MLIP: variants seen among roughly 807,000 people sequenced by gnomAD.
The protein encoded by MLIP is muscular LMNA interacting protein.
Under a neutral mutation model 84.8 loss-of-function variants are expected in MLIP, and 79 were observed. That is an observed-to-expected ratio of 0.93 (90% CI 0.78 to 1.12). MLIP has a LOEUF of 1.12. MLIP is among the 50% of genes most tolerant of loss of function. The probability of loss-of-function intolerance (pLI) is 0.00; values close to 1 mark genes in which losing one functional copy is unlikely to be tolerated. For synonymous variants in MLIP, 504 were observed against 463.0 expected, an observed-to-expected ratio of 1.09 and a Z score of -1.14; for missense variants, 1,257 against 1,160.6, an observed-to-expected ratio of 1.08 and a Z score of -1.21.
chr6:54,203,122 T>C (rs917690143), intron 11 of MLIP, among the ~76,000 whole-genome samples: 1 of 152,200 alleles, frequency 6.6e-6, no homozygotes, highest in Non-Finnish European at 1.5e-5. Flanking sequence ...CTTATATATG[T>C]TGAAGGAGGT....
chr6:54,202,481 C>G (rs952777730), intron 11 of MLIP, among the ~76,000 whole-genome samples: 1 of 130,650 alleles, frequency 7.7e-6, no homozygotes, highest in East Asian at 2.3e-4. Context: ...TTTTTTTTTT[C>G]TAAAACTTGT....
upstream of MLIP, among the ~76,000 whole-genome samples, chr6:54,108,541 A>G (rs1010767083): frequency 1.3e-5 from 2 of 152,236 alleles, no homozygotes; most frequent in South Asian, 2.1e-4. Flanking sequence ...GTTATAATGC[A>G]TGACCATTTA....
At chr6:54,257,218 G>GTT in intron 12 of MLIP, 90 bp from the exon 13 acceptor site, 2 of 870,460 alleles carry the variant, frequency 2.3e-6, no homozygotes, top group South Asian at 3.0e-5. Context: ...AAATATTTAT[G>GTT]TCATTGTCAA....
intron 2 of MLIP, among the ~76,000 whole-genome samples, chr6:54,123,290 G>A (rs148878850): frequency 6.6e-6 from 1 of 152,064 alleles, no homozygotes; most frequent in Non-Finnish European, 1.5e-5. Flanking sequence ...TTGATGATTG[G>A]ATTCCAACTG....
At chr6:54,209,113 G>A (rs1336751637) in intron 11 of MLIP, among the ~76,000 whole-genome samples, 7 of 152,166 alleles carry the variant, frequency 4.6e-5, no homozygotes, top group Non-Finnish European at 8.8e-5. Flanking sequence ...CAACCTTGGC[G>A]ATATTGGCAT....
intron 5 of MLIP, among the ~76,000 whole-genome samples, chr6:54,150,927 A>T (rs1285711340): frequency 6.6e-6 from 1 of 152,228 alleles, no homozygotes; most frequent in Non-Finnish European, 1.5e-5. Flanking sequence ...CTATTATACA[A>T]GTTCATGTGC....
chr6:54,089,828 A>G (rs1376497624), intron 1 of MLIP, among the ~76,000 whole-genome samples: 1 of 152,150 alleles, frequency 6.6e-6, no homozygotes, highest in East Asian at 1.9e-4. Context: ...CTATGGTACT[A>G]TAACAAAATT....
intron 13 of MLIP, among the ~76,000 whole-genome samples, chr6:54,263,339 G>T (rs1175634702): frequency 1.3e-5 from 2 of 151,842 alleles, no homozygotes; most frequent in East Asian, 3.9e-4. Flanking sequence ...ACGTTTTATA[G>T]CTTCTGGCTT....
In MLIP at chr6:54,117,806, C is replaced by T. The variant is rs577488150; in HGVS notation, c.97-3641C>T. ...CTAAAAATACAAAAAGTTAGCTGGG[C>T]GTGTTGGCGGGCGCCTGTAGTCCCA... On this transcript the variant is annotated intron_variant, in intron 1 of 13. Transcript: ENST00000502396. 3.3e-5 allele frequency among the ~76,000 whole-genome samples: 5 copies of T among 151,724 alleles called. No homozygotes were observed. The South Asian group carries it at 6.3e-4, about 19-fold the overall frequency.
intron 1 of MLIP, among the ~76,000 whole-genome samples, chr6:54,084,332 A>G (rs1033303076): frequency 6.6e-6 from 1 of 152,140 alleles, no homozygotes; most frequent in African/African-American, 2.4e-5. Context: ...GAAGATAACA[A>G]TTTTGTTTAT....
At chr6:54,147,066 C>T (rs1772920874) in intron 4 of MLIP, among the ~76,000 whole-genome samples, 2 of 152,102 alleles carry the variant, frequency 1.3e-5, no homozygotes, top group African/African-American at 2.4e-5. Context: ...GTACCTGGCT[C>T]ATAGTGATTG....
intron 12 of MLIP, among the ~76,000 whole-genome samples, chr6:54,256,013 A>G (rs1379003924): frequency 2.6e-5 from 4 of 152,084 alleles, no homozygotes; most frequent in Non-Finnish European, 5.9e-5. Context: ...GATGAACAGG[A>G]GAAAGTAGGT....
chr6:54,223,909 G>A (rs1780394348), intron 11 of MLIP, among the ~76,000 whole-genome samples: 1 of 151,904 alleles, frequency 6.6e-6, no homozygotes, highest in African/African-American at 2.4e-5. Flanking sequence ...GAACTGATAA[G>A]ATATAGTTAA....
intron 1 of MLIP, among the ~76,000 whole-genome samples, chr6:54,053,863 A>C (rs962969234): frequency 2.6e-5 from 4 of 152,224 alleles, no homozygotes; most frequent in Admixed American, 1.3e-4. Flanking sequence ...ACTAGTGGCT[A>C]ATATAATAAA....
chr6:54,022,061 T>A (rs1763526611), intron 1 of MLIP, among the ~76,000 whole-genome samples: 1 of 152,230 alleles, frequency 6.6e-6, no homozygotes, highest in Non-Finnish European at 1.5e-5. Flanking sequence ...CCACCATAAT[T>A]GCTGTTGAGG....
At chr6:54,218,528 A>G (rs1472641551) in intron 11 of MLIP, among the ~76,000 whole-genome samples, 1 of 151,972 alleles carries the variant, frequency 6.6e-6, no homozygotes, top group Non-Finnish European at 1.5e-5. Flanking sequence ...AAATTTATTA[A>G]TATTTTTTTG....
chr6:54,103,940 G>A (rs890209827), intron 1 of MLIP, among the ~76,000 whole-genome samples: 1 of 152,076 alleles, frequency 6.6e-6, no homozygotes. Context: ...ATACCTTGTG[G>A]GCTAGGGAGG....
intron 8 of MLIP, among the ~76,000 whole-genome samples, chr6:54,167,888 G>A (rs1232222865): frequency 1.3e-5 from 2 of 151,674 alleles, no homozygotes; most frequent in East Asian, 3.9e-4. Flanking sequence ...GCAAGTCCTG[G>A]TTGACTTTCT....
chr6:54,094,590 C>CT (rs67466778), intron 1 of MLIP, among the ~76,000 whole-genome samples: 10,928 of 144,942 alleles, frequency 0.075, 604 homozygotes, highest in East Asian at 0.33. Context: ...TTCTTTCTGA[C>CT]TTTTTTTTTT....
Sources: gnomAD v4.1 joint callset for allele counts (sites outside exome capture counted in the v4.1 genomes callset) on GRCh38, gnomAD v4.1.1 for gene constraint, MANE v1.5 for transcripts, NCBI Gene and HGNC (gene_info 2026-07-23, HGNC 2026-07-21) for gene names.